CELF1: variants seen among roughly 807,000 people sequenced by gnomAD.
The protein encoded by CELF1 is CUGBP Elav-like family member 1.
In CELF1, 10 loss-of-function variants were observed where a neutral mutation model predicts 61.8. The ratio of observed to expected loss-of-function variants is 0.16; its 90% confidence interval spans 0.10 to 0.27. CELF1 has a LOEUF of 0.27. CELF1 is among the 10% of genes least tolerant of loss of function. The pLI, the probability that CELF1 is intolerant of heterozygous loss-of-function variation, is 1.00. For synonymous variants in CELF1, 236 were observed against 225.1 expected (o/e 1.05, Z -0.43); for missense variants, 380 against 639.1 (o/e 0.59, Z 4.37).
chr11:47,531,832 T>G (rs1778162606), intron 1 of CELF1, among the ~76,000 whole-genome samples: 1 of 152,200 alleles, frequency 6.6e-6, no homozygotes, highest in South Asian at 2.1e-4. Context: ...GCATTTATCA[T>G]CATCTCTTCC....
At chr11:47,509,897 C>CCA (rs1555180233) in intron 1 of CELF1, among the ~76,000 whole-genome samples, 1 of 136,420 alleles carries the variant, frequency 7.3e-6, no homozygotes, top group African/African-American at 2.8e-5. Context: ...TGTGGTGTCT[C>CCA]AAAAAAAAAA....
intron 2 of CELF1, among the ~76,000 whole-genome samples, chr11:47,558,404 G>A (rs1163873296): frequency 7.2e-6 from 1 of 139,170 alleles, no homozygotes; most frequent in Non-Finnish European, 1.5e-5. Flanking sequence ...AGCCATCAAT[G>A]GATAAAAGCA....
intron 1 of CELF1, among the ~76,000 whole-genome samples, chr11:47,536,062 C>G (rs2096622023): frequency 6.6e-6 from 1 of 152,128 alleles, no homozygotes. Flanking sequence ...GCACCCAGCC[C>G]AAGAGTTTGT....
At position 47,516,601 on chromosome 11, in the gene CELF1, C is replaced by CT. The variant is rs1399209284; in HGVS notation, c.-153-15670dup. 2.4e-3 allele frequency among the ~76,000 whole-genome samples: 348 copies of CT among 144,510 alleles called. 2 individuals are homozygous for CT. The highest frequency in any genetic ancestry group is 3.3e-3 in the African/African-American group (131 of 39,754). 94.8% of individuals were successfully genotyped at this position (144,510 alleles called of 152,430 possible). A position where few individuals can be genotyped will look rare whatever the true frequency, so the allele number is the denominator to read the frequency against. On this transcript the variant is annotated intron_variant, in intron 1 of 14. Coordinates refer to ENST00000687097, the MANE Select transcript of CELF1 (RefSeq NM_001376376.1). ...TCCCCATCTCCATTAATAATATTCT[C>CT]TTTTTTTTTTTTTGTTTGAGACAGA...
chr11:47,530,440 G>A (rs1033829958), intron 1 of CELF1, among the ~76,000 whole-genome samples: 4 of 152,198 alleles, frequency 2.6e-5, no homozygotes, highest in Admixed American at 2.6e-4. Flanking sequence ...TCAAGATAGC[G>A]TTTGGGACAT....
At chr11:47,526,010 T>C (rs533591635) in intron 1 of CELF1, among the ~76,000 whole-genome samples, 2 of 151,542 alleles carry the variant, frequency 1.3e-5, no homozygotes, top group Non-Finnish European at 2.9e-5. Flanking sequence ...CTTTCTTGCT[T>C]ATCCCACCTA....
chr11:47,526,179 A>AT (rs2096233362), intron 1 of CELF1, among the ~76,000 whole-genome samples: 1 of 152,092 alleles, frequency 6.6e-6, no homozygotes, highest in Non-Finnish European at 1.5e-5. Flanking sequence ...AAAATACAAA[A>AT]TTAGCCAGGT....
rs143103415 is a variant in CELF1, at chr11:47,549,820, G to GTTTT, written c.-154+3168_-154+3171dup. Among the ~76,000 whole-genome samples the GTTTT allele has an allele frequency of 7.7e-3, 1,118 of 145,146 alleles. 16 individuals carry two copies. The highest frequency in any genetic ancestry group is 0.026 in the African/African-American group (1,043 of 39,518). ...TTAGTAAATGTTGTGGGTTTTTTTT[G>GTTTT]TTTTTTTTTTTTCTGAGACAGAGTC... On this transcript the variant is annotated intron_variant, in intron 1 of 14. Coordinates refer to ENST00000687097, the MANE Select transcript of CELF1 (RefSeq NM_001376376.1).
At chr11:47,515,259 A>AG (rs1184159693) in intron 1 of CELF1, among the ~76,000 whole-genome samples, 1 of 152,216 alleles carries the variant, frequency 6.6e-6, no homozygotes, top group African/African-American at 2.4e-5. Context: ...AGTAATACAC[A>AG]GAAGTGAGGG....
intron 2 of CELF1, among the ~76,000 whole-genome samples, chr11:47,561,183 G>A (rs2097223947): frequency 1.3e-5 from 2 of 149,342 alleles, no homozygotes; most frequent in Admixed American, 1.3e-4. Flanking sequence ...GGTGGCTCAG[G>A]CCTGTAATCC....
chr11:47,474,901 T>C (rs1387079679), intron 13 of CELF1, among the ~76,000 whole-genome samples: 1 of 152,164 alleles, frequency 6.6e-6, no homozygotes, highest in Non-Finnish European at 1.5e-5. Context: ...ACCCCTCAGT[T>C]TGTCTTCAAT....
upstream of CELF1, chr11:47,553,135 CA>C (rs967154200): frequency 6.3e-5 from 25 of 396,144 alleles, no homozygotes; most frequent in Non-Finnish European, 1.1e-4. Context: ...CAGAACACCC[CA>C]AAATGGCGGC....
rs147513178 is a variant in CELF1, at chr11:47,478,938, G to A, written c.783C>T (p.Leu261=). ...GPQYLALYLQ[L]LQQTASSGNL... ...TCCCAGAGGAGGCAGTCTGCTGAAGGAGCTGCAAATAAAGCTAGACATTAC... is the reference window on the plus strand; with the variant it reads ...TCCCAGAGGAGGCAGTCTGCTGAAGAAGCTGCAAATAAAGCTAGACATTAC... The change falls in exon 10 of 15, where the codon CTC becomes CTT. Residue 261 remains leucine, a synonymous_variant. Coordinates refer to ENST00000687097, the MANE Select transcript of CELF1 (RefSeq NM_001376376.1). 3.6e-3 allele frequency: 5,854 copies of A among 1,612,406 alleles called. 26 individuals are homozygous for A. The highest frequency in any genetic ancestry group is 4.3e-3 in the Non-Finnish European group (5,035 of 1,179,232).
chr11:47,484,512 T>C lies in CELF1; in HGVS notation c.403A>G (p.Arg135Gly). Reference protein sequence around the residue: ...DSEKNNAVEDRKLFIGMISKK... With the variant: ...DSEKNNAVEDGKLFIGMISKK... ...GAAATCATACCAATAAACAGCTTCC[T>C]GTCTTCCACTGCTAAGAGAGTAAAA... The change falls in exon 7 of 15, where the codon AGG (arginine) becomes GGG (glycine). Residue 135 changes from arginine (R) to glycine (G), a missense_variant. Arg to Gly is a moderately radical substitution (Grantham distance 125). Coordinates refer to ENST00000687097, the MANE Select transcript of CELF1 (RefSeq NM_001376376.1). 6.2e-7 allele frequency: 1 copy of C among 1,610,592 alleles called. No homozygotes were observed. Among genetic ancestry groups the C allele is most frequent in the Non-Finnish European group, 8.5e-7 (1 of 1,178,950 alleles).
At chr11:47,504,825 C>G (rs1413700206) in intron 1 of CELF1, among the ~76,000 whole-genome samples, 1 of 149,160 alleles carries the variant, frequency 6.7e-6, no homozygotes, top group East Asian at 1.9e-4. Context: ...TCGCTTGAAC[C>G]CAGGAGGCGG....
intron 1 of CELF1, among the ~76,000 whole-genome samples, chr11:47,520,472 C>T (rs928436411): frequency 2.6e-5 from 4 of 152,106 alleles, no homozygotes; most frequent in African/African-American, 9.7e-5. Context: ...CCCATGCTCC[C>T]CTTGTAAGGG....
At chr11:47,544,874 A>C in intron 1 of CELF1, among the ~76,000 whole-genome samples, 1 of 152,102 alleles carries the variant, frequency 6.6e-6, no homozygotes, top group East Asian at 1.9e-4. Flanking sequence ...AGGAAGGAAA[A>C]TCACTTGAGC....
chr11:47,489,241 G>C (rs2089631105), intron 3 of CELF1, among the ~76,000 whole-genome samples: 1 of 151,488 alleles, frequency 6.6e-6, no homozygotes, highest in South Asian at 2.1e-4. Flanking sequence ...TTCTGATTGG[G>C]ACATCCCAGC....
chr11:47,552,066 C>T (rs896200255), intron 1 of CELF1, among the ~76,000 whole-genome samples: 4 of 151,718 alleles, frequency 2.6e-5, no homozygotes, highest in South Asian at 2.1e-4. Flanking sequence ...TTATTTGTAA[C>T]CTCTTACACT....
Sources: gnomAD v4.1 joint callset for allele counts (sites outside exome capture counted in the v4.1 genomes callset) on GRCh38, gnomAD v4.1.1 for gene constraint, MANE v1.5 for transcripts, NCBI Gene and HGNC (gene_info 2026-07-23, HGNC 2026-07-21) for gene names.